Variants in DOK6 observed in about 807,000 individuals in gnomAD.
The protein encoded by DOK6 is docking protein 6.
In DOK6, 22 loss-of-function variants were observed where a neutral mutation model predicts 44.0. That is an observed-to-expected ratio of 0.50 (90% CI 0.36 to 0.71). The LOEUF (loss-of-function observed/expected upper bound fraction) is 0.71, where lower values mean the gene tolerates loss of function less well. Ranked by LOEUF, DOK6 falls within the 30% of genes least tolerant of loss-of-function variation. DOK6 has a pLI of 0.00. For synonymous variants in DOK6, 166 were observed against 145.5 expected (o/e 1.14, Z -1.01); for missense variants, 340 against 416.4 (o/e 0.82, Z 1.60).
chr18:69,653,935 C>A (rs1985297311), intron 3 of DOK6, among the ~76,000 whole-genome samples: 2 of 151,932 alleles, frequency 1.3e-5, no homozygotes, highest in African/African-American at 4.8e-5. Context: ...GAAATGGGGC[C>A]ACAGATTATC....
At chr18:69,438,541 C>T (rs1359593630) in intron 1 of DOK6, among the ~76,000 whole-genome samples, 1 of 152,156 alleles carries the variant, frequency 6.6e-6, no homozygotes, top group Non-Finnish European at 1.5e-5. Flanking sequence ...TTCTTTCAAA[C>T]TCCCTGTTAA....
At chr18:69,750,265 C>T (rs890764444) in intron 6 of DOK6, among the ~76,000 whole-genome samples, 2 of 151,664 alleles carry the variant, frequency 1.3e-5, no homozygotes, top group Non-Finnish European at 2.9e-5. Context: ...TGAGGTTGAA[C>T]ATTAGGCCTG....
At chr18:69,495,803 C>G (rs1383152334) in intron 1 of DOK6, among the ~76,000 whole-genome samples, 1 of 152,222 alleles carries the variant, frequency 6.6e-6, no homozygotes. Context: ...ACCCCCTCAA[C>G]TTCCCTCCTA....
rs567969220 is a variant in DOK6, at chr18:69,792,346, T to G, written c.856+34473T>G. ...TAGATTGCTAGGTAATATGGAAATT[T>G]TAACAATATGGATTATTCCAATCCA... is the stretch of plus-strand genomic sequence containing the variant. On this transcript the variant is annotated intron_variant, in intron 7 of 7. Coordinates refer to ENST00000382713, the MANE Select transcript of DOK6 (RefSeq NM_152721.6). Among the ~76,000 whole-genome samples, 7 of 152,262 alleles carry G rather than the reference T, an allele frequency of 4.6e-5. No individual in the cohort carries two copies. In the East Asian group the frequency reaches 1.4e-3, roughly 29 times the overall value.
chr18:69,433,159 G>A (rs1978853938), intron 1 of DOK6, among the ~76,000 whole-genome samples: 1 of 152,128 alleles, frequency 6.6e-6, no homozygotes, highest in Non-Finnish European at 1.5e-5. Flanking sequence ...TCTAGTTTAA[G>A]TCTATATATT....
intron 1 of DOK6, among the ~76,000 whole-genome samples, chr18:69,504,121 G>A (rs564365737): frequency 6.6e-6 from 1 of 152,022 alleles, no homozygotes; most frequent in African/African-American, 2.4e-5. Flanking sequence ...GAGAGTTAAT[G>A]GGATAAGTTT....
chr18:69,593,135 C>A (rs1041664185), intron 2 of DOK6, among the ~76,000 whole-genome samples: 1 of 151,868 alleles, frequency 6.6e-6, no homozygotes, highest in African/African-American at 2.4e-5. Context: ...GAGGCCAAGG[C>A]TGGAAGGTAG....
intron 1 of DOK6, among the ~76,000 whole-genome samples, chr18:69,563,243 C>A (rs574268831): frequency 1.2e-4 from 19 of 152,224 alleles, no homozygotes; most frequent in Middle Eastern, 3.4e-3. Context: ...GTCAGTGTGG[C>A]GATTCCTCAG....
intron 3 of DOK6, among the ~76,000 whole-genome samples, chr18:69,666,449 T>C (rs1025277040): frequency 5.9e-5 from 9 of 152,110 alleles, no homozygotes. Flanking sequence ...TTTTTTTAAA[T>C]TAGACAGGAA....
intron 7 of DOK6, among the ~76,000 whole-genome samples, chr18:69,786,473 A>C (rs1980433609): frequency 6.6e-6 from 1 of 152,230 alleles, no homozygotes; most frequent in East Asian, 1.9e-4. Context: ...ATTGATGTAG[A>C]GTTGAAATAA....
intron 3 of DOK6, among the ~76,000 whole-genome samples, chr18:69,651,393 T>C (rs1052001057): frequency 3.3e-5 from 5 of 152,090 alleles, no homozygotes; most frequent in African/African-American, 9.7e-5. Context: ...CTTAAGATAT[T>C]TTACCTTCTC....
At chr18:69,583,952 CA>C (rs1253028776) in intron 2 of DOK6, among the ~76,000 whole-genome samples, 1 of 151,452 alleles carries the variant, frequency 6.6e-6, no homozygotes, top group African/African-American at 2.4e-5. Flanking sequence ...ACTAAAAATA[CA>C]AAAAATTAGC....
chr18:69,447,408 G>C (rs918244706), intron 1 of DOK6, among the ~76,000 whole-genome samples: 1 of 152,044 alleles, frequency 6.6e-6, no homozygotes, highest in Non-Finnish European at 1.5e-5. Context: ...TGTTCCATTG[G>C]TCTATATCTC....
At chr18:69,402,190 C>A (rs1413552412) in intron 1 of DOK6, among the ~76,000 whole-genome samples, 1 of 151,904 alleles carries the variant, frequency 6.6e-6, no homozygotes. Context: ...GGGAGGCTGA[C>A]CCCGGCTGGC....
chr18:69,704,517 C>A (rs1228612579), intron 5 of DOK6, among the ~76,000 whole-genome samples: 1 of 129,964 alleles, frequency 7.7e-6, no homozygotes, highest in Non-Finnish European at 1.5e-5. Context: ...CTTGCTCTGT[C>A]GCCCAGGCTG....
intron 3 of DOK6, among the ~76,000 whole-genome samples, chr18:69,638,430 G>C (rs1461911388): frequency 6.6e-6 from 1 of 151,832 alleles, no homozygotes; most frequent in African/African-American, 2.4e-5. Context: ...AAACACATCA[G>C]GTGATTTTTA....
At chr18:69,708,019 G>A (rs933248869) in intron 5 of DOK6, among the ~76,000 whole-genome samples, 3 of 152,238 alleles carry the variant, frequency 2.0e-5, no homozygotes, top group East Asian at 1.9e-4. Context: ...CCTTCTTAGC[G>A]GATTTTAGCT....
chr18:69,492,383 T>C (rs1432917471), intron 1 of DOK6, among the ~76,000 whole-genome samples: 1 of 152,096 alleles, frequency 6.6e-6, no homozygotes, highest in Admixed American at 6.5e-5. Flanking sequence ...CTTATTTCTT[T>C]TAAAAATTTA....
intron 4 of DOK6, among the ~76,000 whole-genome samples, chr18:69,691,158 G>A (rs767867572): frequency 9.3e-5 from 14 of 150,950 alleles, no homozygotes; most frequent in East Asian, 1.9e-4. Context: ...ACTCCAGCCC[G>A]GGCGACAAGA....
Sources: gnomAD v4.1 joint callset for allele counts (sites outside exome capture counted in the v4.1 genomes callset) on GRCh38, gnomAD v4.1.1 for gene constraint, MANE v1.5 for transcripts, NCBI Gene and HGNC (gene_info 2026-07-23, HGNC 2026-07-21) for gene names.